Variants in LRIT3 observed in about 807,000 individuals in gnomAD.
LRIT3 encodes leucine rich repeat, Ig-like and transmembrane domains 3, also known as leucine-rich repeat, immunoglobulin-like domain and transmembrane domain-containing protein 3.
A neutral mutation model predicts 22.6 loss-of-function variants in LRIT3; 14 were observed. The ratio of observed to expected loss-of-function variants is 0.62; its 90% CI spans 0.41 to 0.97. LRIT3 has a LOEUF of 0.97. Among genes scored for constraint, LRIT3 ranks in the 50% least tolerant of loss-of-function variants. LRIT3 has a pLI of 0.00. For synonymous variants in LRIT3, 306 were observed against 304.5 expected, an observed-to-expected ratio of 1.01 and a Z score of -0.05; for missense variants, 783 against 803.0, an observed-to-expected ratio of 0.98 and a Z score of 0.30.
In LRIT3 at chr4:109,869,792, T is replaced by G. The variant is rs1305311083; in HGVS notation, c.1043T>G (p.Ile348Ser). 2 of 1,613,896 alleles carry G rather than the reference T, an allele frequency of 1.2e-6. No individual in the cohort carries two copies. The highest frequency in any genetic ancestry group is 1.1e-5 in the South Asian group (1 of 91,068). The change falls in exon 4 of 4, where the codon ATT becomes AGT. Residue 348 changes from isoleucine to serine, a missense_variant. Transcript: ENST00000594814. ...GTGGTTACTGTGACAGTGCTTGGCA[T>G]TACCACAACTCCAATACCACCAGAC... Reference protein sequence around the residue: ...EAVVTVTVLGITTTPIPPDTS... With the variant: ...EAVVTVTVLGSTTTPIPPDTS...
rs1734216725 is a variant in LRIT3 at position 109,850,464 on chromosome 4, T to TTTCTTTCTTTCTTTCTTTCTTTCC, written c.117-1018_117-1017insCCTTCTTTCTTTCTTTCTTTCTTT. Among the ~76,000 whole-genome samples the TTTCTTTCTTTCTTTCTTTCTTTCC allele has an allele frequency of 1.5e-5, 2 of 135,986 alleles. 1 individual carries two copies. Among genetic ancestry groups the TTTCTTTCTTTCTTTCTTTCTTTCC allele is most frequent in the African/African-American group, 5.7e-5 (2 of 35,074 alleles). The allele number at this position is 135,986 out of a possible 152,430, so 89.2% of individuals were successfully genotyped here. ...CTTTCTTTCTTTCTTTCTTTCTTTC[T>TTTCTTTCTTTCTTTCTTTCTTTCC]TTCTTTCTTTCTTTCTTTCTTTTCT... On this transcript the variant is annotated intron_variant, in intron 1 of 3. Transcript: ENST00000594814.
At chr4:109,861,630 A>T (rs369149846) in intron 2 of LRIT3, among the ~76,000 whole-genome samples, 7 of 152,142 alleles carry the variant, frequency 4.6e-5, no homozygotes, top group South Asian at 2.1e-4. Context: ...ATCTTCCTTT[A>T]TGAACTATCT....
intron 2 of LRIT3, among the ~76,000 whole-genome samples, chr4:109,862,030 T>C (rs778272231): frequency 6.6e-6 from 1 of 152,216 alleles, no homozygotes; most frequent in Non-Finnish European, 1.5e-5. Flanking sequence ...CGTGTCCACT[T>C]GTTCCAGCAC....
At position 109,870,392 on chromosome 4, in the gene LRIT3, G is replaced by A. The variant is rs757849490; in HGVS notation, c.1643G>A (p.Gly548Glu). The A allele has an allele frequency of 6.2e-7, 1 of 1,614,134 alleles. No homozygotes were observed. The highest frequency in any genetic ancestry group is 1.1e-5 in the South Asian group (1 of 91,084). Residue 548 changes from glycine (G) to glutamate (E), a missense_variant, in exon 4 of 4, where the codon GGG (glycine) becomes GAG (glutamate). Physicochemically the swap from Gly to Glu is moderately conservative, Grantham distance 98. Coordinates refer to ENST00000594814, the MANE Select transcript of LRIT3 (RefSeq NM_198506.5). ...QVTIDGLEPGGQYMACVCPKG... is the reference protein window; with the variant it reads ...QVTIDGLEPGEQYMACVCPKG... ...ACCATAGATGGCTTGGAACCCGGTGGGCAATACATGGCCTGTGTCTGTCCA... is the reference window on the plus strand; with the variant it reads ...ACCATAGATGGCTTGGAACCCGGTGAGCAATACATGGCCTGTGTCTGTCCA...
chr4:109,852,592 C>T (rs1734300032), intron 2 of LRIT3, among the ~76,000 whole-genome samples: 1 of 152,038 alleles, frequency 6.6e-6, no homozygotes, highest in African/African-American at 2.4e-5. Context: ...GTGTATTTCT[C>T]TGGTTCTTTT....
chr4:109,867,912 G>A lies in LRIT3; in HGVS notation c.861G>A (p.Trp287Ter). The A allele has an allele frequency of 6.2e-7, 1 of 1,612,144 alleles. No individual in the cohort carries two copies. Among genetic ancestry groups the A allele is most frequent in the Non-Finnish European group, 8.5e-7 (1 of 1,178,852 alleles). Residue 287 changes from tryptophan to a stop codon, truncating the protein, a stop_gained, in exon 3 of 4, where the codon TGG (tryptophan) becomes TGA (stop). Transcript: ENST00000594814. LOFTEE classifies it low-confidence loss of function (END_TRUNC). ...GCTTCCCCACCCCACAGATCACATGGACCAGATCTGACAGCTCGCCAGTTA... is the reference window on the plus strand; with the variant it reads ...GCTTCCCCACCCCACAGATCACATGAACCAGATCTGACAGCTCGCCAGTTA... Reference protein sequence around the residue: ...ATGFPTPQITWTRSDSSPVNY... With the variant: ...ATGFPTPQIT
In LRIT3 at chr4:109,867,832, A is replaced by T. The variant is rs1456082555; in HGVS notation, c.781A>T (p.Thr261Ser). 1.9e-6 allele frequency: 3 copies of T among 1,614,190 alleles called. No homozygotes were observed. The East Asian group carries it at 6.7e-5, about 36-fold the overall frequency. ...CLKPSVMTSA[T>S]KIMSALGSNV... ...GAAACCATCAGTGATGACCTCAGCCACCAAAATCATGTCTGCTCTGGGCAG... is the reference window on the plus strand; with the variant it reads ...GAAACCATCAGTGATGACCTCAGCCTCCAAAATCATGTCTGCTCTGGGCAG... The change falls in exon 3 of 4, where the codon ACC becomes TCC. Residue 261 changes from threonine to serine, a missense_variant. Transcript: ENST00000594814.
chr4:109,867,129 C>T (rs1040206459), intron 2 of LRIT3, among the ~76,000 whole-genome samples: 1 of 152,110 alleles, frequency 6.6e-6, no homozygotes, highest in African/African-American at 2.4e-5. Context: ...ATAATACTTA[C>T]AATACTGTAA....
At position 109,870,637 on chromosome 4, in the gene LRIT3, G is replaced by A. The variant is rs748847319; in HGVS notation, c.1888G>A (p.Glu630Lys). The A allele has an allele frequency of 3.7e-6, 6 of 1,614,112 alleles. No individual in the cohort carries two copies. The highest frequency in any genetic ancestry group is 1.7e-5 in the Admixed American group (1 of 60,016). Residue 630 changes from glutamate to lysine, a missense_variant, in exon 4 of 4, where the codon GAG becomes AAG. This residue lies in a region of LRIT3 where 756 missense variants were observed against 753.8 expected (regional missense o/e 1.00). Transcript: ENST00000594814. The stretch of plus-strand genomic sequence containing the variant: ...GGCAAAGGAGACTTATATCCAATTT[G>A]AGACCCTGTTTCCCAGGTCTCAAAG... ...DLAKETYIQF[E>K]TLFPRSQSVG...
rs1318030283 is a variant in LRIT3, at chr4:109,870,149, G to A, written c.1400G>A (p.Ser467Asn). 1 of 1,614,200 alleles carries A rather than the reference G, an allele frequency of 6.2e-7. No individual in the cohort carries two copies. Among genetic ancestry groups the A allele is most frequent in the Non-Finnish European group, 8.5e-7 (1 of 1,180,034 alleles). ...NGSKLPPASTSKKEELALLDQ... is the reference protein window; with the variant it reads ...NGSKLPPASTNKKEELALLDQ... ...AGTAAGCTTCCTCCAGCCAGCACAA[G>A]TAAGAAAGAAGAGCTGGCATTGTTG... The change falls in exon 4 of 4, where the codon AGT becomes AAT. Residue 467 changes from serine (S) to asparagine (N), a missense_variant. Transcript: ENST00000594814.
In LRIT3 at chr4:109,869,732, G is replaced by A. The variant is rs376610215; in HGVS notation, c.983G>A (p.Cys328Tyr). The A allele has an allele frequency of 2.2e-5, 35 of 1,612,756 alleles. No individual in the cohort carries two copies. The highest frequency in any genetic ancestry group is 2.7e-5 in the African/African-American group (2 of 74,914). Residue 328 changes from cysteine (C) to tyrosine (Y), a missense_variant, in exon 4 of 4, where the codon TGT becomes TAT. Coordinates refer to ENST00000594814, the MANE Select transcript of LRIT3 (RefSeq NM_198506.5). ...TCCAAAGACGCTGGGGATTACAAATGTAAGGCCAAAAATCTGGCTGGGATG... is the reference window on the plus strand; with the variant it reads ...TCCAAAGACGCTGGGGATTACAAATATAAGGCCAAAAATCTGGCTGGGATG... ...ISSKDAGDYK[C>Y]KAKNLAGMSE... is the part of the protein sequence containing the mutation.
chr4:109,850,422 C>CTTTCTTTCCTTCTTT (rs1553922077), intron 1 of LRIT3, among the ~76,000 whole-genome samples: 2 of 55,088 alleles, frequency 3.6e-5, no homozygotes, highest in South Asian at 7.3e-4. Context: ...TTCCTTCCTT[C>CTTTCTTTCCTTCTTT]CTTTCTTTCT....
intron 1 of LRIT3, among the ~76,000 whole-genome samples, chr4:109,850,465 T>TTCTTTCTTTCTTTCTA (rs1184148605): frequency 2.2e-5 from 3 of 137,556 alleles, no homozygotes; most frequent in Admixed American, 7.9e-5. Flanking sequence ...CTTTCTTTCT[T>TTCTTTCTTTCTTTCTA]TCTTTCTTTC....
Position 109,868,663 on chromosome 4 carries a change from T to C in LRIT3, c.895+717T>C, listed in dbSNP as rs554382742. On this transcript the variant is annotated intron_variant, in intron 3 of 3. Transcript: ENST00000594814. ...ACACCTTATTATGAATCAAAAAGTA[T>C]AATTTTTAGAAATATTGATTATATA... Among the ~76,000 whole-genome samples, 9 of 152,108 alleles carry C rather than the reference T, an allele frequency of 5.9e-5. No homozygotes were observed. In the South Asian group the frequency reaches 1.9e-3, roughly 32 times the overall value.
chr4:109,859,796 A>G (rs1734490634), intron 2 of LRIT3, among the ~76,000 whole-genome samples: 1 of 152,216 alleles, frequency 6.6e-6, no homozygotes, highest in Non-Finnish European at 1.5e-5. Flanking sequence ...TGCAGGGGGA[A>G]GCACATCACG....
At chr4:109,853,234 T>G (rs1734316349) in intron 2 of LRIT3, among the ~76,000 whole-genome samples, 1 of 152,186 alleles carries the variant, frequency 6.6e-6, no homozygotes, top group South Asian at 2.1e-4. Context: ...CCACATCCTC[T>G]CCAGCGTCTG....
At chr4:109,850,007 C>T (rs1334739341) in intron 1 of LRIT3, among the ~76,000 whole-genome samples, 1 of 152,104 alleles carries the variant, frequency 6.6e-6, no homozygotes, top group African/African-American at 2.4e-5. Context: ...AAGAGATATC[C>T]CTAGAGGATT....
At chr4:109,861,123 C>G (rs1211975244) in intron 2 of LRIT3, among the ~76,000 whole-genome samples, 1 of 152,146 alleles carries the variant, frequency 6.6e-6, no homozygotes, top group Non-Finnish European at 1.5e-5. Context: ...AATCCCAACA[C>G]TTTGGGAGGC....
At position 109,870,466 on chromosome 4, in the gene LRIT3, A is replaced by G. The variant is rs369567826; in HGVS notation, c.1717A>G (p.Arg573Gly). Residue 573 changes from arginine (R) to glycine (G), a missense_variant, in exon 4 of 4, where the codon AGA (arginine) becomes GGA (glycine). Around this residue, in one of 2 missense-constraint regions of LRIT3, gnomAD observed 756 missense variants for 753.8 expected, o/e 1.00. Coordinates refer to ENST00000594814, the MANE Select transcript of LRIT3 (RefSeq NM_198506.5). ...KDQCITFSTE[R>G]VEGDDSQWSL... The stretch of plus-strand genomic sequence containing the variant: ...CCAATGCATCACCTTTTCTACTGAA[A>G]GAGTTGAAGGAGATGATTCTCAATG... 23 of 1,614,084 alleles carry G rather than the reference A, an allele frequency of 1.4e-5. No homozygotes were observed. Among genetic ancestry groups the G allele is most frequent in the Non-Finnish European group, 1.9e-5 (23 of 1,180,036 alleles).
Sources: allele counts gnomAD v4.1 joint callset (sites outside exome capture counted in the v4.1 genomes callset), GRCh38; gene constraint gnomAD v4.1.1; regional missense constraint gnomAD v4.1.1; transcripts MANE v1.5; gene names NCBI Gene and HGNC (gene_info 2026-07-23, HGNC 2026-07-21).